The following ST18 variants were observed in gnomAD, a reference collection of about 807,000 sequenced individuals.
The protein encoded by ST18 is ST18 C2H2C-type zinc finger transcription factor.
A neutral mutation model predicts 110.0 loss-of-function variants in ST18; 50 were observed. The observed-to-expected ratio is 0.45, with a 90% CI of 0.36 to 0.58. The LOEUF (loss-of-function observed/expected upper bound fraction) is 0.58. ST18 is among the 20% of genes least tolerant of loss of function. ST18 has a pLI of 0.00. For missense variants in ST18, 1,306 were observed against 1,280.1 expected (o/e 1.02, Z -0.31); for synonymous variants, 461 against 452.4 (o/e 1.02, Z -0.24).
At position 52,137,431 on chromosome 8, in the gene ST18, A is replaced by T. The variant is rs763348273; in HGVS notation, c.2221T>A (p.Ser741Thr). The T allele has an allele frequency of 6.2e-7, 1 of 1,614,140 alleles. No homozygotes were observed. Among genetic ancestry groups the T allele is most frequent in the Non-Finnish European group, 8.5e-7 (1 of 1,180,024 alleles). Residue 741 changes from serine to threonine, a missense_variant, in exon 18 of 26, where the codon TCT (serine) becomes ACT (threonine). Coordinates refer to ENST00000689386, the MANE Select transcript of ST18 (RefSeq NM_001352837.2). ...GSGHVTGNYA[S>T]HRSVSGCPLA... ...GAGGTCATTGGGTACCTGCGATGAG[A>T]TGCATAGTTTCCTGTCACGTGGCCA... is the stretch of plus-strand genomic sequence containing the variant.
chr8:52,204,512 C>T (rs1163292154), intron 8 of ST18, among the ~76,000 whole-genome samples: 1 of 152,216 alleles, frequency 6.6e-6, no homozygotes, highest in East Asian at 1.9e-4. Context: ...GAGTCCCAAG[C>T]TGGACGTGAT....
Position 52,169,008 on chromosome 8 carries a change from C to T in ST18, c.1070-2022G>A, listed in dbSNP as rs538416057. Among the ~76,000 whole-genome samples, 56 of 152,226 alleles carry T rather than the reference C, an allele frequency of 3.7e-4. 1 individual carries two copies. In the South Asian group the frequency reaches 0.01, roughly 28 times the overall value. Reference sequence around the variant, plus strand: ...TTCTAAACCACATTGAAAGGATTGGCGTCGCACACTTCCCCTCCTCGCCAC... The same window carrying T: ...TTCTAAACCACATTGAAAGGATTGGTGTCGCACACTTCCCCTCCTCGCCAC... On this transcript the variant is annotated intron_variant, in intron 10 of 25. Coordinates refer to ENST00000689386, the MANE Select transcript of ST18 (RefSeq NM_001352837.2).
chr8:52,190,623 C>G (rs2074162681), intron 8 of ST18, among the ~76,000 whole-genome samples: 1 of 152,070 alleles, frequency 6.6e-6, no homozygotes, highest in Non-Finnish European at 1.5e-5. Flanking sequence ...GAAGCAGAAC[C>G]AAGAGTAGTT....
rs755242015 is a variant in ST18 at position 52,149,986 on chromosome 8, C to A, written c.1807-9G>T. The A allele has an allele frequency of 1.2e-6, 2 of 1,607,240 alleles. No homozygotes were observed. The highest frequency in any genetic ancestry group is 2.2e-5 in the East Asian group (1 of 44,806). On this transcript the variant is annotated splice_polypyrimidine_tract_variant and intron_variant, in intron 15 of 25. Transcript: ENST00000689386. The stretch of plus-strand genomic sequence containing the variant: ...ACTTCTATTTCGGCTCCCTGGTATA[C>A]AATAGGAAACAGAAAAACATTTAAG...
At chr8:52,113,970 T>G (rs2041492193) in intron 25 of ST18, among the ~76,000 whole-genome samples, 1 of 116,850 alleles carries the variant, frequency 8.6e-6, no homozygotes, top group African/African-American at 3.2e-5. Flanking sequence ...TTTTTTTTTT[T>G]TTTTTTTTTT....
At chr8:52,181,411 G>T (rs552819520) in intron 8 of ST18, among the ~76,000 whole-genome samples, 1 of 152,230 alleles carries the variant, frequency 6.6e-6, no homozygotes, top group Admixed American at 6.5e-5. Context: ...AGGAACTCTT[G>T]GCTTTAGAAG....
chr8:52,205,724 C>T (rs976007799), intron 8 of ST18, among the ~76,000 whole-genome samples: 2 of 152,032 alleles, frequency 1.3e-5, no homozygotes, highest in Non-Finnish European at 2.9e-5. Context: ...CGTGCCACCA[C>T]CCCTGGCTAA....
At chr8:52,235,756 A>G (rs2092553026) in intron 2 of ST18, among the ~76,000 whole-genome samples, 2 of 152,226 alleles carry the variant, frequency 1.3e-5, no homozygotes, top group Non-Finnish European at 2.9e-5. Flanking sequence ...TTACAAATTA[A>G]GAAAATACAA....
At chr8:52,311,543 C>T (rs893543825) in intron 2 of ST18, among the ~76,000 whole-genome samples, 1 of 152,134 alleles carries the variant, frequency 6.6e-6, no homozygotes, top group African/African-American at 2.4e-5. Context: ...AACGATACTA[C>T]CAGAGACTGG....
At chr8:52,221,113 A>G (rs990757429) in intron 4 of ST18, among the ~76,000 whole-genome samples, 1 of 151,836 alleles carries the variant, frequency 6.6e-6, no homozygotes, top group Non-Finnish European at 1.5e-5. Flanking sequence ...CTATCTATCT[A>G]TCTATCTATC....
chr8:52,124,786 C>T (rs527502436), intron 23 of ST18, among the ~76,000 whole-genome samples: 1 of 152,028 alleles, frequency 6.6e-6, no homozygotes, highest in Non-Finnish European at 1.5e-5. Flanking sequence ...AGGTGAGGAC[C>T]CATGGAGGGA....
At chr8:52,124,708 A>C (rs918286358) in intron 23 of ST18, among the ~76,000 whole-genome samples, 4 of 152,142 alleles carry the variant, frequency 2.6e-5, no homozygotes, top group African/African-American at 9.7e-5. Context: ...TGGAAGAGGC[A>C]GGCCTGTCCC....
intron 14 of ST18, among the ~76,000 whole-genome samples, chr8:52,159,510 C>T (rs1417931485): frequency 2.0e-5 from 3 of 152,012 alleles, no homozygotes; most frequent in African/African-American, 4.8e-5. Context: ...ATGTGAGGAC[C>T]GGTGATTCCA....
intron 9 of ST18, among the ~76,000 whole-genome samples, chr8:52,173,037 GT>G (rs1359929197): frequency 6.6e-6 from 1 of 152,150 alleles, no homozygotes; most frequent in African/African-American, 2.4e-5. Flanking sequence ...ATATTAATGA[GT>G]TTCTCTGTTA....
At chr8:52,256,469 C>T (rs1305223113) in intron 2 of ST18, among the ~76,000 whole-genome samples, 1 of 152,126 alleles carries the variant, frequency 6.6e-6, no homozygotes, top group Admixed American at 6.5e-5. Flanking sequence ...CTCAAGCGAT[C>T]CTCCTGCCTC....
chr8:52,313,740 C>T (rs1431572171), intron 2 of ST18, among the ~76,000 whole-genome samples: 1 of 152,112 alleles, frequency 6.6e-6, no homozygotes, highest in African/African-American at 2.4e-5. Context: ...CTGAGACCAG[C>T]AGAGGCAATG....
At chr8:52,120,591 G>A (rs1418699681) in intron 23 of ST18, among the ~76,000 whole-genome samples, 2 of 152,190 alleles carry the variant, frequency 1.3e-5, no homozygotes, top group Admixed American at 1.3e-4. Flanking sequence ...GGAAGGGAGT[G>A]AGTGCCCCAT....
chr8:52,195,439 TA>T (rs2075901414), intron 8 of ST18, among the ~76,000 whole-genome samples: 1 of 152,080 alleles, frequency 6.6e-6, no homozygotes, highest in African/African-American at 2.4e-5. Context: ...AACAGTGTTA[TA>T]AAACTTAAAA....
At chr8:52,323,057 T>C (rs530715939) in intron 2 of ST18, among the ~76,000 whole-genome samples, 6 of 152,344 alleles carry the variant, frequency 3.9e-5, no homozygotes, top group African/African-American at 1.4e-4. Flanking sequence ...ACCTAGCTCC[T>C]CGGAGGAGTC....
Sources: allele counts gnomAD v4.1 joint callset (sites outside exome capture counted in the v4.1 genomes callset), GRCh38; gene constraint gnomAD v4.1.1; transcripts MANE v1.5; gene names NCBI Gene and HGNC (gene_info 2026-07-23, HGNC 2026-07-21).